Variants in IL1RAPL2 observed in about 807,000 individuals in gnomAD.
IL1RAPL2 encodes interleukin 1 receptor accessory protein like 2.
In IL1RAPL2, 3 loss-of-function variants were observed where a neutral mutation model predicts 44.1. That is an observed-to-expected ratio of 0.07 (90% CI 0.03 to 0.18). The LOEUF is 0.18. IL1RAPL2 is among the 10% of genes least tolerant of loss of function. The pLI is 1.00. For missense variants in IL1RAPL2, 391 were observed against 496.4 expected, an observed-to-expected ratio of 0.79 and a Z score of 2.02; for synonymous variants, 181 against 178.8, an observed-to-expected ratio of 1.01 and a Z score of -0.10.
chrX:104,589,318 G>C (rs1261055510), intron 1 of IL1RAPL2, among the ~76,000 whole-genome samples: 1 of 112,150 alleles, frequency 8.9e-6, no homozygotes, highest in Non-Finnish European at 1.9e-5. Context: ...GATGTTCGAG[G>C]GCAGGAAGCA....
intron 6 of IL1RAPL2, 44 bp from the exon 7 acceptor site, chrX:105,717,323 A>T (rs1463807056): frequency 1.9e-5 from 21 of 1,103,695 alleles, no homozygotes; most frequent in Non-Finnish European, 2.5e-5. Flanking sequence ...TCTCCCACTG[A>T]TAATCAGGAG....
intron 2 of IL1RAPL2, among the ~76,000 whole-genome samples, chrX:104,907,216 A>G (rs1480899205): frequency 2.7e-5 from 3 of 111,328 alleles, no homozygotes; most frequent in Non-Finnish European, 3.8e-5. Context: ...AGTCTTGCTA[A>G]CAGTCTATCT....
chrX:104,952,647 A>G (rs891871498), intron 2 of IL1RAPL2, among the ~76,000 whole-genome samples: 11 of 111,807 alleles, frequency 9.8e-5, no homozygotes, highest in African/African-American at 2.6e-4. Context: ...ACTAGATTAT[A>G]TGGTAGATGG....
intron 3 of IL1RAPL2, among the ~76,000 whole-genome samples, chrX:105,196,256 T>A (rs1210112339): frequency 1.8e-5 from 2 of 110,781 alleles, no homozygotes; most frequent in Admixed American, 9.6e-5. Flanking sequence ...CACTCCAGCC[T>A]GGGCAACAGA....
At chrX:104,649,690 T>C (rs948055680) in intron 1 of IL1RAPL2, among the ~76,000 whole-genome samples, 3 of 111,340 alleles carry the variant, frequency 2.7e-5, no homozygotes, top group Admixed American at 1.9e-4. Flanking sequence ...TAACAAGAAA[T>C]GATTATAATT....
At chrX:105,372,083 A>G (rs190448631) in intron 5 of IL1RAPL2, among the ~76,000 whole-genome samples, 1 of 111,463 alleles carries the variant, frequency 9.0e-6, no homozygotes, top group Admixed American at 9.6e-5. Context: ...GAATGCCTCT[A>G]ACAACAGAAG....
At chrX:104,587,306 C>A (rs1306490997) in intron 1 of IL1RAPL2, among the ~76,000 whole-genome samples, 1 of 111,982 alleles carries the variant, frequency 8.9e-6, no homozygotes, top group African/African-American at 3.2e-5. Flanking sequence ...TCTTCTGCAA[C>A]CACCACCACA....
chrX:105,412,797 C>A (rs2035706664), intron 5 of IL1RAPL2, among the ~76,000 whole-genome samples: 1 of 111,174 alleles, frequency 9.0e-6, no homozygotes, highest in South Asian at 3.8e-4. Flanking sequence ...GATTTGTACT[C>A]CATAAGTATG....
At chrX:105,546,248 A>G (rs1382339044) in intron 6 of IL1RAPL2, among the ~76,000 whole-genome samples, 1 of 111,973 alleles carries the variant, frequency 8.9e-6, no homozygotes, top group East Asian at 2.8e-4. Context: ...ATGTAAAGAT[A>G]ATGATCTAAT....
intron 2 of IL1RAPL2, among the ~76,000 whole-genome samples, chrX:104,904,034 G>A (rs1923896461): frequency 9.0e-6 from 1 of 111,257 alleles, no homozygotes; most frequent in South Asian, 3.8e-4. Flanking sequence ...TTGAGTCCAA[G>A]GAGAGGAAGA....
intron 2 of IL1RAPL2, among the ~76,000 whole-genome samples, chrX:104,944,280 T>C (rs780685165): frequency 8.9e-6 from 1 of 112,305 alleles, no homozygotes; most frequent in East Asian, 2.8e-4. Context: ...CTTTCTTTTC[T>C]AAACATCTCC....
chrX:104,748,442 C>T (rs1260302379), intron 2 of IL1RAPL2, among the ~76,000 whole-genome samples: 1 of 111,605 alleles, frequency 9.0e-6, no homozygotes, highest in Admixed American at 9.5e-5. Flanking sequence ...CAACCACTGA[C>T]AGGTATGGGC....
chrX:104,823,102 G>T (rs1290418949), intron 2 of IL1RAPL2, among the ~76,000 whole-genome samples: 5 of 110,597 alleles, frequency 4.5e-5, no homozygotes, highest in African/African-American at 1.7e-4. Flanking sequence ...TTTGCACATT[G>T]ATTTTTTTTT....
chrX:104,643,010 T>C (rs910341112), intron 1 of IL1RAPL2, among the ~76,000 whole-genome samples: 1 of 112,112 alleles, frequency 8.9e-6, no homozygotes, highest in Non-Finnish European at 1.9e-5. Flanking sequence ...TTAAAGGTTA[T>C]TATATAAACT....
At chrX:105,099,324 A>G (rs2032641308) in intron 2 of IL1RAPL2, among the ~76,000 whole-genome samples, 1 of 111,083 alleles carries the variant, frequency 9.0e-6, no homozygotes, top group South Asian at 3.8e-4. Flanking sequence ...AGGCTGTACA[A>G]GCATAGTACA....
intron 2 of IL1RAPL2, among the ~76,000 whole-genome samples, chrX:104,896,502 C>A (rs1329964582): frequency 9.0e-6 from 1 of 111,519 alleles, no homozygotes; most frequent in Admixed American, 9.5e-5. Context: ...ATTGAGAGTT[C>A]AAGGCAGCTG....
rs955828105 is a variant in IL1RAPL2, at chrX:105,268,359, C to G, written c.697+818C>G. Among the ~76,000 whole-genome samples, 4 of 111,160 alleles carry G rather than the reference C, an allele frequency of 3.6e-5. No homozygotes were observed. In the South Asian group the frequency reaches 1.5e-3, roughly 42 times the overall value. On this transcript the variant is annotated intron_variant, in intron 5 of 10. Transcript: ENST00000372582. ...GCAAAAGAGAGTAGAAAAATGGATA[C>G]GGGACAGAGAGTGGGGAATAAGGAG...
chrX:105,315,990 T>C (rs186037750), intron 5 of IL1RAPL2, among the ~76,000 whole-genome samples: 87 of 110,787 alleles, frequency 7.9e-4, no homozygotes, highest in Non-Finnish European at 1.5e-3. Context: ...AAAATAAATA[T>C]AGGCCAGGCG....
chrX:105,150,252 T>C (rs1001585043), intron 2 of IL1RAPL2, among the ~76,000 whole-genome samples: 5 of 111,535 alleles, frequency 4.5e-5, no homozygotes, highest in African/African-American at 1.6e-4. Context: ...TGGGTCAGAG[T>C]TCAACCTTTA....
Sources: allele counts gnomAD v4.1 joint callset (sites outside exome capture counted in the v4.1 genomes callset), GRCh38; gene constraint gnomAD v4.1.1; transcripts MANE v1.5; gene names NCBI Gene and HGNC (gene_info 2026-07-23, HGNC 2026-07-21).